Variants in KIAA2012 observed in about 807,000 individuals in gnomAD.
The protein encoded by KIAA2012 is KIAA2012.
Under a neutral mutation model 150.6 loss-of-function variants are expected in KIAA2012, and 125 were observed. The ratio of observed to expected loss-of-function variants is 0.83; its 90% CI spans 0.72 to 0.96. The LOEUF (loss-of-function observed/expected upper bound fraction) is 0.96, where lower values mean the gene tolerates loss of function less well. Ranked by LOEUF, KIAA2012 falls within the 40% of genes least tolerant of loss-of-function variation. KIAA2012 has a pLI of 0.00. For missense variants in KIAA2012, 1,219 were observed against 1,354.9 expected (o/e 0.90, Z 1.57); for synonymous variants, 462 against 504.7 (o/e 0.92, Z 1.13).
At chr2:202,190,039 G>C in intron 18 of KIAA2012, 135 bp from the exon 19 acceptor site, 1 of 672,170 alleles carries the variant, frequency 1.5e-6, no homozygotes. Flanking sequence ...AGTGAGCCAT[G>C]ATCGTGCCAC....
At chr2:202,165,462 C>G in intron 15 of KIAA2012, 106 bp downstream of exon 15, 1 of 1,119,090 alleles carries the variant, frequency 8.9e-7, no homozygotes, top group Non-Finnish European at 1.3e-6. Context: ...TGGCTCACGC[C>G]TGTAGTCCCA....
intron 14 of KIAA2012, 25 bp downstream of exon 14, chr2:202,154,835 G>T: frequency 1.3e-6 from 2 of 1,532,286 alleles, no homozygotes; most frequent in South Asian, 2.5e-5. Context: ...AGAAGACGAG[G>T]GGTTTTATAG....
intron 3 of KIAA2012, among the ~76,000 whole-genome samples, 160 bp downstream of exon 3, chr2:202,091,089 C>A (rs769695976): frequency 6.6e-6 from 1 of 152,228 alleles, no homozygotes; most frequent in Admixed American, 6.5e-5. Flanking sequence ...GCCCCTTTCA[C>A]GGCTCCCGTC....
At chr2:202,177,409 C>T (rs1239865826) in intron 15 of KIAA2012, among the ~76,000 whole-genome samples, 1 of 152,048 alleles carries the variant, frequency 6.6e-6, no homozygotes, top group East Asian at 1.9e-4. Flanking sequence ...AACAGAATGC[C>T]TGAGATTGGG....
chr2:202,160,296 A>G (rs1420297313), intron 14 of KIAA2012, among the ~76,000 whole-genome samples: 1 of 146,446 alleles, frequency 6.8e-6, no homozygotes, highest in Non-Finnish European at 1.5e-5. Flanking sequence ...AAGATACTTT[A>G]TGATTTTTCA....
Position 202,073,622 on chromosome 2 carries a change from G to A in KIAA2012, c.-6G>A, listed in dbSNP as rs941579136. 2 of 1,550,040 alleles carry A rather than the reference G, an allele frequency of 1.3e-6. No individual in the cohort carries two copies. The highest frequency in any genetic ancestry group is 1.7e-6 in the Non-Finnish European group (2 of 1,146,812). ...TGCCCTTGAGAAGGGGTGGTCAGAG[G>A]GAAACATGTTCACGCTCTCCCTCCT... On this transcript the variant is annotated 5_prime_UTR_variant, in exon 1 of 24. Coordinates refer to ENST00000498697, the MANE Select transcript of KIAA2012 (RefSeq NM_001277372.4).
intron 9 of KIAA2012, among the ~76,000 whole-genome samples, chr2:202,108,134 A>C (rs930684379): frequency 6.6e-6 from 1 of 152,290 alleles, no homozygotes; most frequent in Non-Finnish European, 1.5e-5. Flanking sequence ...GAGGCGACAC[A>C]TATTTATTTA....
chr2:202,087,287 T>C (rs1575003042), intron 2 of KIAA2012, among the ~76,000 whole-genome samples: 1 of 151,714 alleles, frequency 6.6e-6, no homozygotes, highest in Non-Finnish European at 1.5e-5. Context: ...CTGATACAGG[T>C]GGATAACTTA....
At chr2:202,110,254 A>AG (rs1690311339) in intron 10 of KIAA2012, among the ~76,000 whole-genome samples, 1 of 152,226 alleles carries the variant, frequency 6.6e-6, no homozygotes, top group African/African-American at 2.4e-5. Context: ...GGGAAGGGTG[A>AG]GGCAGGGCAA....
chr2:202,193,607 C>A, intron 20 of KIAA2012, 104 bp downstream of exon 20: 1 of 1,165,742 alleles, frequency 8.6e-7, no homozygotes, highest in Non-Finnish European at 1.2e-6. Flanking sequence ...AGGCTCATGC[C>A]CTGAAGTTAA....
At chr2:202,119,641 C>G (rs752422125) in intron 11 of KIAA2012, among the ~76,000 whole-genome samples, 15 of 152,160 alleles carry the variant, frequency 9.9e-5, no homozygotes, top group Non-Finnish European at 2.9e-5. Flanking sequence ...TAACTCTTCC[C>G]CTCCTAAGAT....
At chr2:202,078,392 G>A (rs1446723115) in intron 2 of KIAA2012, among the ~76,000 whole-genome samples, 1 of 152,178 alleles carries the variant, frequency 6.6e-6, no homozygotes, top group Non-Finnish European at 1.5e-5. Context: ...GGGCTCAAGT[G>A]GTCCTCCCAT....
intron 14 of KIAA2012, among the ~76,000 whole-genome samples, chr2:202,155,593 G>A (rs527643709): frequency 1.0e-3 from 159 of 152,304 alleles, no homozygotes; most frequent in African/African-American, 3.5e-3. Flanking sequence ...ATCCTTCATA[G>A]TACCCTTGAG....
intron 9 of KIAA2012, among the ~76,000 whole-genome samples, chr2:202,108,979 G>A (rs969714832): frequency 2.0e-5 from 3 of 152,176 alleles, no homozygotes; most frequent in African/African-American, 7.2e-5. Flanking sequence ...AGCAGGCCCT[G>A]TTGCTGTTGA....
At position 202,104,553 on chromosome 2, in the gene KIAA2012, T is replaced by A. The variant is rs545436795; in HGVS notation, c.1325-1208T>A. Among the ~76,000 whole-genome samples the A allele has an allele frequency of 6.6e-6, 1 of 152,352 alleles. No individual in the cohort carries two copies. The highest frequency in any genetic ancestry group is 1.9e-4 in the East Asian group (1 of 5,184). Reference sequence around the variant, plus strand: ...TATGGGCAAGGCAGAGCAAGCAGCCTAAGCAGATTTAGAATTGTCTAGTTT... The same window carrying A: ...TATGGGCAAGGCAGAGCAAGCAGCCAAAGCAGATTTAGAATTGTCTAGTTT... On this transcript the variant is annotated intron_variant, in intron 8 of 23. Coordinates refer to ENST00000498697, the MANE Select transcript of KIAA2012 (RefSeq NM_001277372.4). The surrounding 1 kb of genome is among the most constrained non-coding windows in gnomAD (Gnocchi z 4.3).
intron 11 of KIAA2012, among the ~76,000 whole-genome samples, chr2:202,119,074 C>T (rs983249365): frequency 3.3e-5 from 5 of 152,060 alleles, no homozygotes; most frequent in Non-Finnish European, 7.4e-5. Context: ...GGATGGATCA[C>T]CTGAGGTCAG....
intron 2 of KIAA2012, among the ~76,000 whole-genome samples, chr2:202,080,822 C>A (rs1689435871): frequency 1.3e-5 from 2 of 151,934 alleles, no homozygotes; most frequent in Non-Finnish European, 2.9e-5. Context: ...AGGTAGGTGC[C>A]TTTTTTATTG....
chr2:202,079,868 T>C (rs532614745), intron 2 of KIAA2012, among the ~76,000 whole-genome samples: 1 of 152,314 alleles, frequency 6.6e-6, no homozygotes, highest in East Asian at 1.9e-4. Flanking sequence ...GTGGGATAAA[T>C]ACAAACAATG....
intron 14 of KIAA2012, among the ~76,000 whole-genome samples, chr2:202,155,610 T>G (rs1036564322): frequency 1.3e-5 from 2 of 152,180 alleles, no homozygotes; most frequent in Admixed American, 1.3e-4. Flanking sequence ...TGAGGAAATA[T>G]TCCAGGCCTT....
Sources: gnomAD v4.1 joint callset for allele counts (sites outside exome capture counted in the v4.1 genomes callset) on GRCh38, gnomAD v4.1.1 for gene constraint, Gnocchi (gnomAD v3.1) non-coding constraint, MANE v1.5 for transcripts, NCBI Gene and HGNC (gene_info 2026-07-23, HGNC 2026-07-21) for gene names.